HHLA2: variants seen among roughly 807,000 people sequenced by gnomAD.
HHLA2 encodes the protein HERV-H LTR-associating protein 2.
Under a neutral mutation model 45.9 loss-of-function variants are expected in HHLA2, and 48 were observed. The ratio of observed to expected loss-of-function variants is 1.05; its 90% CI spans 0.83 to 1.33. HHLA2 has a LOEUF of 1.33. HHLA2 is among the 40% of genes most tolerant of loss of function. The probability of loss-of-function intolerance (pLI) is 0.00; values close to 1 mark genes in which losing one functional copy is unlikely to be tolerated. For synonymous variants in HHLA2, 161 were observed against 173.9 expected (o/e 0.93, Z 0.59); for missense variants, 462 against 494.3 (o/e 0.93, Z 0.62).
chr3:108,296,649 T>C (rs1403342011), intron 1 of HHLA2, 50 bp downstream of exon 1: 1 of 152,252 alleles, frequency 6.6e-6, no homozygotes, highest in Non-Finnish European at 1.5e-5. Context: ...AAAGTGGGCA[T>C]GAATAAATCA....
At chr3:108,299,856 A>G (rs1005785093) in intron 1 of HHLA2, among the ~76,000 whole-genome samples, 1 of 152,164 alleles carries the variant, frequency 6.6e-6, no homozygotes, top group African/African-American at 2.4e-5. Flanking sequence ...ATAAACTTAG[A>G]TTCTCACAGT....
chr3:108,313,104 T>C (rs1488147489), intron 2 of HHLA2, among the ~76,000 whole-genome samples: 1 of 152,176 alleles, frequency 6.6e-6, no homozygotes, highest in Non-Finnish European at 1.5e-5. Flanking sequence ...TAATATGGCA[T>C]TCCAAGAGTT....
At chr3:108,377,880 C>A in exon 11 of HHLA2, 1 of 152,366 alleles carries the variant, frequency 6.6e-6, no homozygotes, top group South Asian at 2.1e-4. Flanking sequence ...GCCTCTGAGC[C>A]CAAGCCAAGC....
chr3:108,377,404 A>G, exon 11 of HHLA2: 1 of 659,914 alleles, frequency 1.5e-6, no homozygotes, highest in Non-Finnish European at 2.7e-6. Flanking sequence ...CACTGCAAAG[A>G]GTTGTAACCA....
intron 2 of HHLA2, among the ~76,000 whole-genome samples, chr3:108,317,524 T>TAA (rs1283759137): frequency 6.6e-6 from 1 of 152,086 alleles, no homozygotes; most frequent in East Asian, 1.9e-4. Flanking sequence ...GAATCCTGAT[T>TAA]AATCAAATCT....
intron 8 of HHLA2, among the ~76,000 whole-genome samples, chr3:108,374,170 T>C (rs1254504573): frequency 2.0e-5 from 3 of 150,732 alleles, no homozygotes; most frequent in Middle Eastern, 3.4e-3. Context: ...TCAGAAATAA[T>C]GCCGCATATC....
rs547517836 is a variant in HHLA2, at chr3:108,353,789, G to C, written c.418+9G>C. On this transcript the variant is annotated intron_variant, in intron 5 of 10. Transcript: ENST00000619531. ...GGTGCTAAAGGTGGGAGGTAAGTGTGCATGTAAAGTTTCATGAAACAGCAA... is the reference window on the plus strand; with the variant it reads ...GGTGCTAAAGGTGGGAGGTAAGTGTCCATGTAAAGTTTCATGAAACAGCAA... 4 of 1,583,294 alleles carry C rather than the reference G, an allele frequency of 2.5e-6. No individual in the cohort carries two copies. In the South Asian group the frequency reaches 4.6e-5, roughly 18 times the overall value.
rs1477973499 is a variant in HHLA2 at position 108,376,574 on chromosome 3, T to C, written c.1224+17T>C. 1 of 1,606,646 alleles carries C rather than the reference T, an allele frequency of 6.2e-7. No homozygotes were observed. The highest frequency in any genetic ancestry group is 8.5e-7 in the Non-Finnish European group (1 of 1,174,222). ...GAAAATGTGGTAAGGCATTATTTCC[T>C]TTATCAAACCATATACAGTATAAAA... On this transcript the variant is annotated intron_variant, in intron 10 of 10. Coordinates refer to ENST00000619531, the Ensembl canonical transcript of HHLA2.
chr3:108,314,248 G>T lies in HHLA2; in HGVS notation c.-105+3507G>T, dbSNP rs114806285. Among the ~76,000 whole-genome samples, 1,446 of 151,930 alleles carry T rather than the reference G, an allele frequency of 9.5e-3. 15 individuals are homozygous for T. The highest frequency in any genetic ancestry group is 0.017 in the Non-Finnish European group (1,128 of 67,978). On this transcript the variant is annotated intron_variant, in intron 2 of 10. Coordinates refer to ENST00000619531, the Ensembl canonical transcript of HHLA2. ...AAAGGAGAAAGAGATGGAGGAGATT[G>T]GGGGAACAACTGTAGCACTGCATTC...
At chr3:108,322,788 A>G (rs567622537) in intron 2 of HHLA2, among the ~76,000 whole-genome samples, 2 of 152,290 alleles carry the variant, frequency 1.3e-5, no homozygotes, top group Admixed American at 6.5e-5. Flanking sequence ...CGTCTCACCT[A>G]TTAATTGGGA....
At chr3:108,357,903 T>C in exon 7 of HHLA2, 1 of 1,613,880 alleles carries the variant, frequency 6.2e-7, no homozygotes, top group Admixed American at 1.7e-5. Context: ...TGTAAATGAT[T>C]ATTTTTCACC....
intron 3 of HHLA2, among the ~76,000 whole-genome samples, chr3:108,328,550 C>T (rs1264785558): frequency 1.3e-5 from 2 of 152,092 alleles, no homozygotes; most frequent in Non-Finnish European, 2.9e-5. Context: ...ACTTGGACAA[C>T]AGTACACAGC....
intron 3 of HHLA2, among the ~76,000 whole-genome samples, chr3:108,342,626 C>T (rs1252383996): frequency 1.3e-5 from 2 of 152,130 alleles, no homozygotes; most frequent in Non-Finnish European, 2.9e-5. Flanking sequence ...CACAATCTGA[C>T]TTCATCATTA....
intron 3 of HHLA2, among the ~76,000 whole-genome samples, chr3:108,346,312 C>A (rs1316355619): frequency 3.3e-5 from 5 of 152,140 alleles, no homozygotes; most frequent in African/African-American, 1.2e-4. Flanking sequence ...TGAAATTGTT[C>A]TTTTGTTCTT....
chr3:108,369,319 G>C (rs966980266), intron 8 of HHLA2, among the ~76,000 whole-genome samples: 1 of 152,112 alleles, frequency 6.6e-6, no homozygotes, highest in Non-Finnish European at 1.5e-5. Context: ...AAAAACTAGA[G>C]ATTCACGGGG....
chr3:108,333,247 G>A (rs2081417529), intron 3 of HHLA2, among the ~76,000 whole-genome samples: 1 of 152,142 alleles, frequency 6.6e-6, no homozygotes, highest in Admixed American at 6.5e-5. Flanking sequence ...GAGTCACATA[G>A]TCATTAAGTA....
At chr3:108,372,947 C>G (rs58976530) in intron 8 of HHLA2, among the ~76,000 whole-genome samples, 12,083 of 150,818 alleles carry the variant, frequency 0.08, 644 homozygotes, top group African/African-American at 0.16. Context: ...CCAATCAACA[C>G]AAAAAGAGGG....
intron 8 of HHLA2, among the ~76,000 whole-genome samples, chr3:108,363,057 A>G (rs926272125): frequency 1.5e-4 from 23 of 152,192 alleles, no homozygotes; most frequent in African/African-American, 5.5e-4. Context: ...TTGTTGTTCA[A>G]TTAATCTTTT....
rs561938844 is a variant in HHLA2 at position 108,314,639 on chromosome 3, C to T, written c.-105+3898C>T. ...AGAAGACGGGAAGGTGAGGAGAGGG[C>T]GGTAGGCTGTGAACGAATATTTGTG... On this transcript the variant is annotated intron_variant, in intron 2 of 10. Transcript: ENST00000619531. Among the ~76,000 whole-genome samples the T allele has an allele frequency of 1.6e-3, 241 of 152,144 alleles. 1 individual carries two copies. Among genetic ancestry groups the T allele is most frequent in the African/African-American group, 5.4e-3 (224 of 41,514 alleles).
Sources: allele counts gnomAD v4.1 joint callset (sites outside exome capture counted in the v4.1 genomes callset), GRCh38; gene constraint gnomAD v4.1.1; transcripts MANE v1.5; gene names NCBI Gene and HGNC (gene_info 2026-07-23, HGNC 2026-07-21).